The following AFAP1 variants were observed in gnomAD, a reference collection of about 807,000 sequenced individuals.
AFAP1 encodes actin filament associated protein 1, also known as actin filament-associated protein 1.
Under a neutral mutation model 93.9 loss-of-function variants are expected in AFAP1, and 75 were observed. The observed-to-expected ratio is 0.80, with a 90% CI of 0.66 to 0.97. The LOEUF (loss-of-function observed/expected upper bound fraction) is 0.97, where lower values mean the gene tolerates loss of function less well. AFAP1 is among the 50% of genes least tolerant of loss of function. AFAP1 has a pLI of 0.00. For synonymous variants in AFAP1, 517 were observed against 430.7 expected (o/e 1.20, Z -2.48); for missense variants, 1,201 against 1,050.8 (o/e 1.14, Z -1.98).
At chr4:7,848,264 G>C (rs1178645725) in intron 4 of AFAP1, among the ~76,000 whole-genome samples, 1 of 143,340 alleles carries the variant, frequency 7.0e-6, no homozygotes, top group Non-Finnish European at 1.5e-5. Context: ...GGAAGGAAGG[G>C]AGGTGATTTA....
intron 1 of AFAP1, among the ~76,000 whole-genome samples, chr4:7,899,716 G>C (rs1463905039): frequency 1.3e-5 from 2 of 152,156 alleles, no homozygotes; most frequent in Non-Finnish European, 2.9e-5. Context: ...CCCTACAGGA[G>C]CCGAGGTTAG....
intron 16 of AFAP1, among the ~76,000 whole-genome samples, 195 bp from the exon 17 acceptor site, chr4:7,769,203 A>T (rs978095251): frequency 3.9e-5 from 6 of 152,174 alleles, no homozygotes; most frequent in Admixed American, 2.0e-4. Flanking sequence ...CGGGGGGCAG[A>T]GGCTCCGACG....
At position 7,809,615 on chromosome 4, in the gene AFAP1, G is replaced by A. The variant is rs774486168; in HGVS notation, c.1053C>T (p.Cys351=). Residue 351 remains cysteine, a splice_region_variant and synonymous_variant, in exon 9 of 18, where the codon TGC becomes TGT. Transcript: ENST00000420658. The part of the protein sequence containing the change: ...TSSAEEDVPT[C]GYLNVLSNSR... ...CGTCTCCGGGAAGCGCAGTCTTACCGCAGGTGGGAACATCTTCCTCAGCTG... is the reference window on the plus strand; with the variant it reads ...CGTCTCCGGGAAGCGCAGTCTTACCACAGGTGGGAACATCTTCCTCAGCTG... 8 of 1,611,642 alleles carry A rather than the reference G, an allele frequency of 5.0e-6. No homozygotes were observed. The highest frequency in any genetic ancestry group is 3.3e-5 in the South Asian group (3 of 90,362).
At position 7,760,808 on chromosome 4, in the gene AFAP1, C is replaced by T. The variant is rs1713671588; in HGVS notation, c.*2957G>A. The T allele has an allele frequency of 2.0e-5, 3 of 152,306 alleles. No individual in the cohort carries two copies. The highest frequency in any genetic ancestry group is 7.2e-5 in the African/African-American group (3 of 41,472). The allele number at this position is 152,306 out of a possible 1,614,324, so 9.4% of individuals were successfully genotyped here. A position where few individuals can be genotyped will look rare whatever the true frequency, so the allele number is the denominator to read the frequency against. The stretch of plus-strand genomic sequence containing the variant: ...AGCCCTGAGCCCCGCAGGGGTCGGC[C>T]CCCTCACCTGACCTGTCCTCCGGCC... On this transcript the variant is annotated 3_prime_UTR_variant, in exon 18 of 18. Coordinates refer to ENST00000420658, the MANE Select transcript of AFAP1 (RefSeq NM_001134647.2).
In AFAP1 at chr4:7,819,192, T is replaced by C. The variant is rs201431068; in HGVS notation, c.727-21A>G. 512 of 1,591,308 alleles carry C rather than the reference T, an allele frequency of 3.2e-4. 2 individuals carry two copies. The East Asian group carries it at 8.1e-3, about 25-fold the overall frequency. ...ATCACCTATAAAAAGCACAGACACT[T>C]TGTGAGTATGCCCAAAGGCAGAGAT... On this transcript the variant is annotated intron_variant, in intron 6 of 17. Coordinates refer to ENST00000420658, the MANE Select transcript of AFAP1 (RefSeq NM_001134647.2).
chr4:7,795,488 T>C (rs1205236570), intron 10 of AFAP1, among the ~76,000 whole-genome samples: 4 of 132,288 alleles, frequency 3.0e-5, no homozygotes, highest in Non-Finnish European at 6.2e-5. Context: ...TGCAGTGGTG[T>C]GATCTCGGCT....
chr4:7,854,123 T>C (rs1464063280), intron 4 of AFAP1, among the ~76,000 whole-genome samples: 3 of 152,208 alleles, frequency 2.0e-5, no homozygotes, highest in African/African-American at 4.8e-5. Flanking sequence ...AACATACTTG[T>C]CTTTACTCAC....
At chr4:7,795,189 C>G (rs1215427158) in intron 10 of AFAP1, among the ~76,000 whole-genome samples, 1 of 152,054 alleles carries the variant, frequency 6.6e-6, no homozygotes. Flanking sequence ...GAGAAATTGG[C>G]TAGTGATATT....
intron 6 of AFAP1, among the ~76,000 whole-genome samples, chr4:7,833,017 G>C (rs992721479): frequency 6.6e-6 from 1 of 152,160 alleles, no homozygotes; most frequent in Non-Finnish European, 1.5e-5. Context: ...ATGGATGAAC[G>C]ACTTAAACCT....
chr4:7,843,396 G>C (rs62289297), intron 4 of AFAP1, 46 bp from the exon 5 acceptor site: 135,990 of 1,528,750 alleles, frequency 0.089, 7,910 homozygotes, highest in East Asian at 0.24. Context: ...TCTTTACCTT[G>C]AAGTTTACCC....
At chr4:7,844,282 A>G (rs1041366267) in intron 4 of AFAP1, among the ~76,000 whole-genome samples, 7 of 148,942 alleles carry the variant, frequency 4.7e-5, no homozygotes, top group South Asian at 2.1e-4. Context: ...GTCTTTTAAG[A>G]AGAGAGAGAG....
chr4:7,811,684 G>A (rs897814964), intron 8 of AFAP1, among the ~76,000 whole-genome samples: 5 of 152,164 alleles, frequency 3.3e-5, no homozygotes, highest in South Asian at 2.1e-4. Context: ...AAGAAAGGCC[G>A]TGTGAAGGCG....
chr4:7,901,716 A>T (rs1719126090), intron 1 of AFAP1, among the ~76,000 whole-genome samples: 1 of 152,246 alleles, frequency 6.6e-6, no homozygotes, highest in African/African-American at 2.4e-5. Flanking sequence ...GAAGATGTGG[A>T]CAGGGGGCTG....
At chr4:7,840,287 TTCCTGGTTTGTTTTTGGG>T (rs1350080502) in intron 5 of AFAP1, among the ~76,000 whole-genome samples, 3 of 126,946 alleles carry the variant, frequency 2.4e-5, no homozygotes, top group Admixed American at 1.5e-4. Flanking sequence ...TGTGTGTGTG[TTCCTGGTTTGTTTTTGGG>T]GTGTGTGTGT....
intron 3 of AFAP1, 21 bp from the exon 4 acceptor site, chr4:7,855,595 G>T: frequency 6.4e-7 from 1 of 1,562,744 alleles, no homozygotes; most frequent in Non-Finnish European, 8.8e-7. Context: ...AAGGAAAAGT[G>T]ACACAGAAAT....
intron 7 of AFAP1, among the ~76,000 whole-genome samples, chr4:7,818,450 G>C (rs1413927295): frequency 1.3e-5 from 2 of 152,198 alleles, no homozygotes; most frequent in Non-Finnish European, 2.9e-5. Context: ...GGAGGGCTCA[G>C]AAAGTCCCAG....
chr4:7,867,457 T>C (rs963259420), intron 3 of AFAP1, among the ~76,000 whole-genome samples: 2 of 152,120 alleles, frequency 1.3e-5, no homozygotes, highest in Non-Finnish European at 2.9e-5. Flanking sequence ...ACAGCCACCC[T>C]GGACTCCACT....
rs774337434 is a variant in AFAP1, at chr4:7,800,485, G to A, written c.1223C>T (p.Thr408Met). The A allele has an allele frequency of 2.7e-5, 44 of 1,614,098 alleles. No individual in the cohort carries two copies. Among genetic ancestry groups the A allele is most frequent in the Middle Eastern group, 3.3e-4 (2 of 6,084 alleles). ...CTGGCCGTTGCGCAGCAGCCGGAAC[G>A]TCAGAGGATGTTTAGAATCCAAACC... Reference protein sequence around the residue: ...IPGLDSKHPLTFRLLRNGQEV... With the variant: ...IPGLDSKHPLMFRLLRNGQEV... The change falls in exon 10 of 18, where the codon ACG (threonine) becomes ATG (methionine). Residue 408 changes from threonine to methionine, a missense_variant. By Grantham distance (81) the Thr-to-Met change is moderately conservative. Coordinates refer to ENST00000420658, the MANE Select transcript of AFAP1 (RefSeq NM_001134647.2).
Position 7,819,084 on chromosome 4 carries a change from G to T in AFAP1, c.814C>A (p.Leu272Met). ...PPSSPVHKAE[L>M]EKKLSSERPS... ...AAGAGCAGCGCCCTTACCTTCTCCAGTTCTGCCTTGTGCACCGGGGAGCTT... is the reference window on the plus strand; with the variant it reads ...AAGAGCAGCGCCCTTACCTTCTCCATTTCTGCCTTGTGCACCGGGGAGCTT... Residue 272 changes from leucine to methionine, a missense_variant, in exon 7 of 18, where the codon CTG (leucine) becomes ATG (methionine). Transcript: ENST00000420658. 6.2e-7 allele frequency: 1 copy of T among 1,612,100 alleles called. No homozygotes were observed. The highest frequency in any genetic ancestry group is 8.5e-7 in the Non-Finnish European group (1 of 1,179,144).
Sources: allele counts gnomAD v4.1 joint callset (sites outside exome capture counted in the v4.1 genomes callset), GRCh38; gene constraint gnomAD v4.1.1; transcripts MANE v1.5; gene names NCBI Gene and HGNC (gene_info 2026-07-23, HGNC 2026-07-21).